The following CDKL3 variants were observed in gnomAD, a reference collection of about 807,000 sequenced individuals.
CDKL3 encodes cyclin-dependent kinase-like 3.
CDKL3 carries 65 observed loss-of-function variants against 69.3 expected under a neutral mutation model. That is an observed-to-expected ratio of 0.94 (90% CI 0.77 to 1.15). CDKL3 has a LOEUF of 1.15. Among genes scored for constraint, CDKL3 ranks in the 50% most tolerant of loss-of-function variants. The probability of loss-of-function intolerance (pLI) is 0.00; values close to 1 mark genes in which losing one functional copy is unlikely to be tolerated. For missense variants in CDKL3, 652 were observed against 689.2 expected (o/e 0.95, Z 0.61); for synonymous variants, 202 against 221.6 (o/e 0.91, Z 0.79).
chr5:134,370,841 G>C (rs943700557), upstream of CDKL3, among the ~76,000 whole-genome samples: 1 of 152,192 alleles, frequency 6.6e-6, no homozygotes, highest in Admixed American at 6.5e-5. Flanking sequence ...GAACCAACCA[G>C]AGGGGAATTA....
At chr5:134,363,125 A>C (rs1054712431) in intron 2 of CDKL3, among the ~76,000 whole-genome samples, 18 of 152,208 alleles carry the variant, frequency 1.2e-4, no homozygotes, top group African/African-American at 4.3e-4. Flanking sequence ...AAAGAGCAAG[A>C]GATACTGCCT....
downstream of CDKL3, among the ~76,000 whole-genome samples, chr5:134,297,047 A>G (rs533224017): frequency 2.7e-5 from 4 of 145,918 alleles, no homozygotes; most frequent in East Asian, 8.1e-4. Context: ...TGCCTCCCGG[A>G]TTCAAGTGAT....
In CDKL3 at chr5:134,353,810, G is replaced by A. The variant is rs1012475689; in HGVS notation, c.361-3383C>T. Among the ~76,000 whole-genome samples, 34 of 151,952 alleles carry A rather than the reference G, an allele frequency of 2.2e-4. 1 individual carries two copies. The highest frequency in any genetic ancestry group is 1.2e-3 in the Admixed American group (19 of 15,248). Reference sequence around the variant, plus strand: ...CTTGACCTTGTGATCCGCCCGCCTCGGCCTCCCAAAGTGCTGGGATTACAG... The same window carrying A: ...CTTGACCTTGTGATCCGCCCGCCTCAGCCTCCCAAAGTGCTGGGATTACAG... On this transcript the variant is annotated intron_variant, in intron 3 of 12. Transcript: ENST00000265334.
Position 134,308,224 on chromosome 5 carries a change from A to G in CDKL3, c.1278T>C (p.Gly426=). Residue 426 remains glycine, a synonymous_variant, in exon 9 of 13, where the codon GGT becomes GGC. Transcript: ENST00000265334. The stretch of plus-strand genomic sequence containing the variant: ...GATTGATGGGTGGCATTGTCACAGA[A>G]CCTCCGCAATGTGGATTTTCTTTCA... ...NGLKENPHCG[G]SVTMPPINLT... 1 of 1,613,894 alleles carries G rather than the reference A, an allele frequency of 6.2e-7. No individual in the cohort carries two copies. The highest frequency in any genetic ancestry group is 8.5e-7 in the Non-Finnish European group (1 of 1,179,838).
chr5:134,317,351 G>A (rs1035387015), intron 6 of CDKL3, among the ~76,000 whole-genome samples: 6 of 152,098 alleles, frequency 3.9e-5, no homozygotes, highest in Non-Finnish European at 7.4e-5. Context: ...GGTCTGGCTC[G>A]TCTTGAACTC....
At chr5:134,339,774 G>A (rs1743458661) in intron 4 of CDKL3, among the ~76,000 whole-genome samples, 1 of 152,000 alleles carries the variant, frequency 6.6e-6, no homozygotes, top group African/African-American at 2.4e-5. Context: ...GAAAAATTTT[G>A]GAAATTTACA....
chr5:134,311,374 A>G (rs776734019), intron 7 of CDKL3, among the ~76,000 whole-genome samples: 3 of 152,180 alleles, frequency 2.0e-5, no homozygotes, highest in Admixed American at 6.5e-5. Flanking sequence ...GCGTGGTGGC[A>G]TGTGCCTCTA....
chr5:134,318,173 C>A (rs939584199), intron 6 of CDKL3, among the ~76,000 whole-genome samples: 1 of 150,974 alleles, frequency 6.6e-6, no homozygotes, highest in Admixed American at 6.6e-5. Context: ...GAGCTGAGAT[C>A]GCGCCATTGC....
chr5:134,358,383 T>C (rs2149637485), intron 3 of CDKL3, among the ~76,000 whole-genome samples: 1 of 152,340 alleles, frequency 6.6e-6, no homozygotes, highest in East Asian at 1.9e-4. Flanking sequence ...TTACCTCATC[T>C]TGGAAGTCTT....
At chr5:134,302,826 T>G in intron 11 of CDKL3, 139 bp from the exon 12 acceptor site, 1 of 539,600 alleles carries the variant, frequency 1.9e-6, no homozygotes, top group Admixed American at 3.8e-5. Flanking sequence ...AATTATGAGT[T>G]GTAATGGTAA....
At chr5:134,292,784 A>G (rs953494592) in intron 8 of CDKL3, among the ~76,000 whole-genome samples, 1 of 152,046 alleles carries the variant, frequency 6.6e-6, no homozygotes, top group Non-Finnish European at 1.5e-5. Flanking sequence ...CCACCAACTT[A>G]AAAATGATAA....
At chr5:134,369,602 G>C (rs1435153145), upstream of CDKL3, among the ~76,000 whole-genome samples, 3 of 55,000 alleles carry the variant, frequency 5.5e-5, no homozygotes, top group Non-Finnish European at 2.8e-4. Context: ...TGGTTGTTGC[G>C]GGATTTTTTT....
chr5:134,370,689 T>C (rs1432209353), upstream of CDKL3, among the ~76,000 whole-genome samples: 1 of 152,198 alleles, frequency 6.6e-6, no homozygotes, highest in African/African-American at 2.4e-5. Flanking sequence ...GAAACCCCAC[T>C]GCAAAGCAGA....
At chr5:134,347,697 TAAAAA>T (rs1175296441) in intron 4 of CDKL3, among the ~76,000 whole-genome samples, 2 of 52,826 alleles carry the variant, frequency 3.8e-5, no homozygotes, top group Admixed American at 2.3e-4. Context: ...CCATCTCTGC[TAAAAA>T]AAAAAAAAAA....
chr5:134,328,349 G>A (rs1419260326), intron 4 of CDKL3, among the ~76,000 whole-genome samples: 1 of 152,104 alleles, frequency 6.6e-6, no homozygotes, highest in Non-Finnish European at 1.5e-5. Context: ...TATGTATAAA[G>A]AAGAACCAAG....
chr5:134,371,503 G>GCGA (rs1554113398), upstream of CDKL3: 129 of 1,498,256 alleles, frequency 8.6e-5, no homozygotes, highest in Non-Finnish European at 1.1e-4. Context: ...GGCGGCGGCG[G>GCGA]CGATCCACAG....
At chr5:134,361,488 A>T (rs1756003707) in intron 2 of CDKL3, among the ~76,000 whole-genome samples, 1 of 152,240 alleles carries the variant, frequency 6.6e-6, no homozygotes, top group Non-Finnish European at 1.5e-5. Flanking sequence ...AAAGTCCTTA[A>T]AACATGACTA....
chr5:134,349,169 C>T (rs1284191488), intron 4 of CDKL3, among the ~76,000 whole-genome samples: 3 of 152,114 alleles, frequency 2.0e-5, no homozygotes, highest in Non-Finnish European at 4.4e-5. Flanking sequence ...GTATCTAAAG[C>T]ATTTAGAACA....
At chr5:134,301,863 G>A (rs1035349216) in intron 12 of CDKL3, among the ~76,000 whole-genome samples, 9 of 152,024 alleles carry the variant, frequency 5.9e-5, no homozygotes, top group African/African-American at 1.9e-4. Flanking sequence ...CTCCAGCCTG[G>A]GCAACAGAGA....
Sources: allele counts gnomAD v4.1 joint callset (sites outside exome capture counted in the v4.1 genomes callset), GRCh38; gene constraint gnomAD v4.1.1; transcripts MANE v1.5; gene names NCBI Gene and HGNC (gene_info 2026-07-23, HGNC 2026-07-21).